SCHIP1: variants seen among roughly 807,000 people sequenced by gnomAD.
SCHIP1 encodes schwannomin interacting protein 1, also known as schwannomin-interacting protein 1.
In SCHIP1, 8 loss-of-function variants were observed where a neutral mutation model predicts 29.7. The ratio of observed to expected loss-of-function variants is 0.27; its 90% CI spans 0.16 to 0.49. SCHIP1 has a LOEUF of 0.49. Ranked by LOEUF, SCHIP1 falls within the 20% of genes least tolerant of loss-of-function variation. The pLI, the probability that SCHIP1 is intolerant of heterozygous loss-of-function variation, is 0.99. For synonymous variants in SCHIP1, 76 were observed against 94.9 expected, an observed-to-expected ratio of 0.80 and a Z score of 1.16; for missense variants, 193 against 294.6, an observed-to-expected ratio of 0.66 and a Z score of 2.52.
upstream of SCHIP1, among the ~76,000 whole-genome samples, chr3:159,836,174 A>G (rs371555936): frequency 1.3e-5 from 2 of 152,330 alleles, no homozygotes; most frequent in East Asian, 3.9e-4. Flanking sequence ...ATAAAATATC[A>G]TAAACTGGGT....
chr3:159,851,790 ACAGTGGGACCCC>A (rs1410704575), intron 1 of SCHIP1, among the ~76,000 whole-genome samples: 4 of 152,226 alleles, frequency 2.6e-5, no homozygotes, highest in Non-Finnish European at 5.9e-5. Context: ...CTGCATGCAG[ACAGTGGGACCCC>A]CATCTGGAGT....
chr3:159,396,646 G>A, the SCHIP1 span, among the ~76,000 whole-genome samples: 1 of 152,114 alleles, frequency 6.6e-6, no homozygotes, highest in African/African-American at 2.4e-5. Flanking sequence ...TTGAATATTG[G>A]CCCCAACTCT....
the SCHIP1 span, chr3:159,764,769 C>T: frequency 1.3e-6 from 2 of 1,570,212 alleles, no homozygotes; most frequent in African/African-American, 2.7e-5. This position sits in a 1 kb window ranked among gnomAD's most constrained non-coding sequence, Gnocchi z 6.1. Context: ...CCAGGACCCG[C>T]AGCGGCGGCG....
At chr3:159,866,921 C>CT (rs1267392771) in intron 2 of SCHIP1, among the ~76,000 whole-genome samples, 1 of 152,076 alleles carries the variant, frequency 6.6e-6, no homozygotes, top group African/African-American at 2.4e-5. Flanking sequence ...GTTTCTCGAA[C>CT]TTTAATGTGC....
chr3:159,328,896 T>C, the SCHIP1 span, among the ~76,000 whole-genome samples: 2 of 152,234 alleles, frequency 1.3e-5, no homozygotes, highest in East Asian at 3.8e-4. Flanking sequence ...ATTTAACCCC[T>C]GTGAGTCTCA....
the SCHIP1 span, among the ~76,000 whole-genome samples, chr3:159,509,264 C>T: frequency 6.6e-5 from 10 of 151,892 alleles, no homozygotes; most frequent in East Asian, 5.8e-4. Context: ...GTTTAAAGTC[C>T]CTTTTATCAG....
the SCHIP1 span, among the ~76,000 whole-genome samples, chr3:159,634,059 G>A: frequency 3.3e-5 from 5 of 152,194 alleles, no homozygotes; most frequent in Non-Finnish European, 5.9e-5. Context: ...GACATATGAA[G>A]GGATGGGATA....
chr3:159,808,650 A>T, the SCHIP1 span: 1 of 152,238 alleles, frequency 6.6e-6, no homozygotes, highest in East Asian at 1.9e-4. Flanking sequence ...GAGGGCAAGA[A>T]CACATACTAG....
rs116468575 is a variant in SCHIP1, at chr3:159,876,709, G to T, written c.150-9498G>T. Among the ~76,000 whole-genome samples the T allele has an allele frequency of 8.3e-3, 1,259 of 152,260 alleles. 17 individuals carry two copies. Among genetic ancestry groups the T allele is most frequent in the African/African-American group, 0.028 (1,172 of 41,554 alleles). ...GAAAGAGTAATTTTAGACTTGTTTG[G>T]ACATACGCTTTTATCATATGTTTCT... On this transcript the variant is annotated intron_variant, in intron 2 of 6. Coordinates refer to ENST00000445224, the Ensembl canonical transcript of SCHIP1.
At chr3:159,314,701 T>C in the SCHIP1 span, among the ~76,000 whole-genome samples, 11 of 152,238 alleles carry the variant, frequency 7.2e-5, no homozygotes, top group African/African-American at 2.4e-4. Flanking sequence ...ATCATATTAC[T>C]AAGCTGTCAT....
the SCHIP1 span, among the ~76,000 whole-genome samples, chr3:159,432,286 A>ATGTGTGTG: frequency 2.8e-5 from 3 of 108,094 alleles, no homozygotes; most frequent in African/African-American, 1.1e-4. Context: ...AGAGTAGGTG[A>ATGTGTGTG]TGTGTGTGTG....
the SCHIP1 span, among the ~76,000 whole-genome samples, chr3:159,531,527 A>T: frequency 3.3e-5 from 5 of 152,346 alleles, no homozygotes; most frequent in African/African-American, 1.2e-4. Context: ...ACAAAAGACC[A>T]AACTCTCTGC....
At chr3:159,511,977 G>T in the SCHIP1 span, among the ~76,000 whole-genome samples, 1 of 152,000 alleles carries the variant, frequency 6.6e-6, no homozygotes, top group South Asian at 2.1e-4. Flanking sequence ...CAAACTCAAA[G>T]GAAAAAAATG....
the SCHIP1 span, among the ~76,000 whole-genome samples, chr3:159,702,935 T>C: frequency 1.3e-5 from 2 of 152,258 alleles, no homozygotes; most frequent in Admixed American, 1.3e-4. Flanking sequence ...AGGTCAATGA[T>C]ATCCTTTTAC....
the SCHIP1 span, among the ~76,000 whole-genome samples, chr3:159,451,755 C>T: frequency 4.6e-5 from 7 of 151,998 alleles, no homozygotes; most frequent in Non-Finnish European, 7.4e-5. Context: ...AAATAATGCA[C>T]GTAGAGACTC....
the SCHIP1 span, among the ~76,000 whole-genome samples, chr3:159,637,371 CCACACACACACACA>C: frequency 0.064 from 8,648 of 134,636 alleles, 299 homozygotes; most frequent in East Asian, 0.17. Flanking sequence ...CCGGCCCCAG[CCACACACACACACA>C]CACACACACA....
chr3:159,631,575 A>G, the SCHIP1 span, among the ~76,000 whole-genome samples: 1 of 152,194 alleles, frequency 6.6e-6, no homozygotes, highest in Admixed American at 6.6e-5. Flanking sequence ...GCAGAAACAA[A>G]AGGCCAACAT....
chr3:159,872,207 A>G (rs1423647820), intron 2 of SCHIP1, among the ~76,000 whole-genome samples: 1 of 152,188 alleles, frequency 6.6e-6, no homozygotes, highest in African/African-American at 2.4e-5. Flanking sequence ...AAGTGAGAGT[A>G]GATACTTGTG....
chr3:159,863,146 C>G (rs567591134), intron 1 of SCHIP1, among the ~76,000 whole-genome samples: 2 of 152,170 alleles, frequency 1.3e-5, no homozygotes, highest in Non-Finnish European at 2.9e-5. Context: ...TTGAGACCAT[C>G]CTGGCCAACA....
Sources: allele counts gnomAD v4.1 joint callset (sites outside exome capture counted in the v4.1 genomes callset), GRCh38; gene constraint gnomAD v4.1.1; non-coding constraint Gnocchi (gnomAD v3.1); transcripts MANE v1.5; gene names NCBI Gene and HGNC (gene_info 2026-07-23, HGNC 2026-07-21).